ITPR1: variants seen among roughly 807,000 people sequenced by gnomAD.
The protein encoded by ITPR1 is inositol 1,4,5-trisphosphate receptor type 1.
Under a neutral mutation model 318.4 loss-of-function variants are expected in ITPR1, and 96 were observed. The ratio of observed to expected loss-of-function variants is 0.30; its 90% CI spans 0.26 to 0.36. The LOEUF (loss-of-function observed/expected upper bound fraction) is 0.36, where lower values mean the gene tolerates loss of function less well. Ranked by LOEUF, ITPR1 falls within the 10% of genes least tolerant of loss-of-function variation. The pLI, the probability that ITPR1 is intolerant of heterozygous loss-of-function variation, is 1.00. For missense variants in ITPR1, 2,440 were observed against 3,460.2 expected (o/e 0.71, Z 7.40); for synonymous variants, 1,312 against 1,289.9 (o/e 1.02, Z -0.37).
At chr3:4,718,572 C>G (rs746157959) in intron 40 of ITPR1, among the ~76,000 whole-genome samples, 7 of 152,200 alleles carry the variant, frequency 4.6e-5, no homozygotes, top group African/African-American at 7.2e-5. Flanking sequence ...AGTGACTGGT[C>G]CTAGCTCACA....
intron 4 of ITPR1, among the ~76,000 whole-genome samples, chr3:4,569,330 AT>A (rs1001952457): frequency 6.6e-5 from 10 of 152,248 alleles, no homozygotes; most frequent in African/African-American, 2.4e-4. Flanking sequence ...ATAAAATTTG[AT>A]TTTTAAAACA....
At chr3:4,787,858 T>A in intron 51 of ITPR1, 89 bp from the exon 52 acceptor site, 2 of 873,204 alleles carry the variant, frequency 2.3e-6, no homozygotes, top group Non-Finnish European at 3.6e-6. Context: ...ATACTCAATC[T>A]TGACCACCGA....
chr3:4,588,036 T>G (rs1351514182), intron 4 of ITPR1, among the ~76,000 whole-genome samples: 1 of 152,156 alleles, frequency 6.6e-6, no homozygotes, highest in East Asian at 1.9e-4. Flanking sequence ...TGGTATGAAA[T>G]TAGTCATATA....
intron 51 of ITPR1, 84 bp from the exon 52 acceptor site, chr3:4,787,863 C>T: frequency 1.1e-6 from 1 of 913,372 alleles, no homozygotes; most frequent in South Asian, 1.6e-5. Context: ...CAATCTTGAC[C>T]ACCGAGTCTA....
At chr3:4,552,942 A>G (rs1430894720) in intron 4 of ITPR1, among the ~76,000 whole-genome samples, 1 of 152,186 alleles carries the variant, frequency 6.6e-6, no homozygotes, top group East Asian at 1.9e-4. Context: ...ATGTGACAGT[A>G]ATGATTTATT....
chr3:4,603,074 G>C (rs1055568840), intron 4 of ITPR1, among the ~76,000 whole-genome samples: 1 of 151,992 alleles, frequency 6.6e-6, no homozygotes, highest in South Asian at 2.1e-4. Flanking sequence ...GAAACAACAG[G>C]CATCAAATAA....
intron 4 of ITPR1, among the ~76,000 whole-genome samples, chr3:4,558,265 A>G (rs1229456477): frequency 6.6e-6 from 1 of 152,222 alleles, no homozygotes; most frequent in Non-Finnish European, 1.5e-5. Flanking sequence ...AATGGCAAAT[A>G]GTGCAAGGAA....
At chr3:4,642,021 A>G in intron 6 of ITPR1, 72 bp from the exon 7 acceptor site, 6 of 1,252,614 alleles carry the variant, frequency 4.8e-6, no homozygotes, top group South Asian at 1.7e-5. Flanking sequence ...CATAGTTGGT[A>G]TGATTGAGAG....
intron 3 of ITPR1, 39 bp downstream of exon 3, chr3:4,516,622 A>G (rs1435980319): frequency 8.1e-7 from 1 of 1,229,778 alleles, no homozygotes; most frequent in East Asian, 2.4e-5. Context: ...CGGTTTGTTT[A>G]AGACATCATA....
intron 53 of ITPR1, chr3:4,800,108 A>G: frequency 5.5e-6 from 2 of 364,520 alleles, no homozygotes; most frequent in Non-Finnish European, 9.9e-6. Context: ...AGTACGGAGG[A>G]GGAGGGAACT....
intron 40 of ITPR1, among the ~76,000 whole-genome samples, chr3:4,719,814 T>G (rs2125297046): frequency 6.6e-6 from 1 of 152,220 alleles, no homozygotes; most frequent in Non-Finnish European, 1.5e-5. Context: ...AAATTTTGTT[T>G]GAAACCAGGA....
rs976382096 is a variant in ITPR1, at chr3:4,642,259, C to T, written c.525+8C>T. 4.9e-5 allele frequency: 75 copies of T among 1,517,130 alleles called. No individual in the cohort carries two copies. Among genetic ancestry groups the T allele is most frequent in the Admixed American group, 1.1e-4 (5 of 46,120 alleles). The allele number at this position is 1,517,130 out of a possible 1,614,324, so 94.0% of individuals were successfully genotyped here. On this transcript the variant is annotated splice_region_variant and intron_variant, in intron 7 of 61. Transcript: ENST00000649015. ...CGATCCATTGGAGACAGCGTAAGTG[C>T]GGATTCTCCACCTAGAAAGTCTTCC... is the stretch of plus-strand genomic sequence containing the variant.
intron 4 of ITPR1, among the ~76,000 whole-genome samples, chr3:4,560,901 G>A (rs2086610328): frequency 6.6e-6 from 1 of 152,170 alleles, no homozygotes; most frequent in Admixed American, 6.5e-5. Context: ...TTTGAATTTT[G>A]CTAAAAGATA....
At chr3:4,621,439 C>T (rs1292223183) in intron 4 of ITPR1, among the ~76,000 whole-genome samples, 1 of 152,142 alleles carries the variant, frequency 6.6e-6, no homozygotes, top group Non-Finnish European at 1.5e-5. Flanking sequence ...ATGAGAAATC[C>T]ACCCCCATGA....
At chr3:4,800,318 A>T in intron 53 of ITPR1, 107 bp from the exon 54 acceptor site, 1 of 1,189,478 alleles carries the variant, frequency 8.4e-7, no homozygotes, top group Non-Finnish European at 1.2e-6. Flanking sequence ...TGGGACTGGT[A>T]AGCCAAAAAA....
intron 53 of ITPR1, chr3:4,800,077 T>G: frequency 3.4e-6 from 1 of 296,846 alleles, no homozygotes; most frequent in Non-Finnish European, 6.2e-6. Flanking sequence ...TAGTGTCCTG[T>G]AGGGATGACT....
rs888707551 is a variant in ITPR1 at position 4,798,060 on chromosome 3, A to G, written c.6932-2365A>G. Among the ~76,000 whole-genome samples, 7 of 152,206 alleles carry G rather than the reference A, an allele frequency of 4.6e-5. No homozygotes were observed. The East Asian group carries it at 1.3e-3, about 29-fold the overall frequency. On this transcript the variant is annotated intron_variant, in intron 53 of 61. Transcript: ENST00000649015. ...TATAGTGAGGAGACAGCATTTTTAC[A>G]TTGGCCTCTTCAGGATTTGGGACAT...
chr3:4,744,891 T>C (rs2043967045), intron 44 of ITPR1, among the ~76,000 whole-genome samples: 1 of 112,860 alleles, frequency 8.9e-6, no homozygotes, highest in African/African-American at 3.6e-5. Context: ...CCTCTCTGTC[T>C]CCCTCCCTCC....
intron 42 of ITPR1, among the ~76,000 whole-genome samples, chr3:4,731,164 G>C (rs2042902134): frequency 6.6e-6 from 1 of 152,118 alleles, no homozygotes; most frequent in Non-Finnish European, 1.5e-5. Context: ...CTTGAATGTA[G>C]CTTTCAAACT....
Sources: gnomAD v4.1 joint callset for allele counts (sites outside exome capture counted in the v4.1 genomes callset) on GRCh38, gnomAD v4.1.1 for gene constraint, MANE v1.5 for transcripts, NCBI Gene and HGNC (gene_info 2026-07-23, HGNC 2026-07-21) for gene names.